The following CELSR1 variants were observed in gnomAD, a reference collection of about 807,000 sequenced individuals.
The protein encoded by CELSR1 is cadherin EGF LAG seven-pass G-type receptor 1.
A neutral mutation model predicts 249.1 loss-of-function variants in CELSR1; 110 were observed. That is an observed-to-expected ratio of 0.44 (90% CI 0.38 to 0.52). The LOEUF (loss-of-function observed/expected upper bound fraction) is 0.52. Among genes scored for constraint, CELSR1 ranks in the 20% least tolerant of loss-of-function variants. The pLI, the probability that CELSR1 is intolerant of heterozygous loss-of-function variation, is 0.00. For missense variants in CELSR1, 4,109 were observed against 4,296.4 expected (o/e 0.96, Z 1.22); for synonymous variants, 2,113 against 1,900.0 (o/e 1.11, Z -2.92).
At chr22:46,405,685 G>A (rs1435448209) in intron 9 of CELSR1, among the ~76,000 whole-genome samples, 3 of 152,128 alleles carry the variant, frequency 2.0e-5, no homozygotes, top group Admixed American at 6.6e-5. Flanking sequence ...CAAGGTGGGT[G>A]GATTTTGGGT....
Position 46,398,722 on chromosome 22 carries a change from T to C in CELSR1, c.5413-85A>G, listed in dbSNP as rs976393527. On this transcript the variant is annotated intron_variant, in intron 10 of 34. Transcript: ENST00000674500. This position sits in a 1 kb window ranked among gnomAD's most constrained non-coding sequence, Gnocchi z 7.2. ...TCAGATGGGAAGGATACACTGGAAG[T>C]CTAAACAGTCACTTCAACAAACTCC... 1.3e-5 allele frequency: 14 copies of C among 1,059,286 alleles called. No individual in the cohort carries two copies. The highest frequency in any genetic ancestry group is 2.1e-4 in the Middle Eastern group (1 of 4,736). The allele number at this position is 1,059,286 out of a possible 1,614,324, so 65.6% of individuals were successfully genotyped here.
rs2079338849 is a variant in CELSR1, at chr22:46,411,752, A to G, written c.4619T>C (p.Ile1540Thr). The G allele has an allele frequency of 6.2e-7, 1 of 1,613,984 alleles. No homozygotes were observed. Among genetic ancestry groups the G allele is most frequent in the South Asian group, 1.1e-5 (1 of 91,090 alleles). ...VQVQYYNKPN[I>T]GHLGLPHGPS... ...CCCATGGGGCAGGCCCAGGTGGCCA[A>G]TATTGGGCTGTAAGAAGAGAAAGCA... Residue 1540 changes from isoleucine (I) to threonine (T), a missense_variant, in exon 6 of 35, where the codon ATT (isoleucine) becomes ACT (threonine). Physicochemically the swap from Ile to Thr is moderately conservative, Grantham distance 89. Around this residue, in one of 7 missense-constraint regions of CELSR1, gnomAD observed 453 missense variants for 492.0 expected, o/e 0.92. Transcript: ENST00000674500. The surrounding 1 kb of genome is among the most constrained non-coding windows in gnomAD (Gnocchi z 4.2).
rs553328237 is a variant in CELSR1 at position 46,441,152 on chromosome 22, CAAAA to C, written c.4184-1745_4184-1742del. On this transcript the variant is annotated intron_variant, in intron 2 of 34. Transcript: ENST00000674500. The surrounding 1 kb of genome is among the most constrained non-coding windows in gnomAD (Gnocchi z 6.1). ...TAGGTGCCAGAGCGAGACTTCATTT[CAAAA>C]AAAAAAAAAAAAGAGAGACTGCTAT... 9.4e-6 allele frequency among the ~76,000 whole-genome samples: 1 copy of C among 106,496 alleles called. No homozygotes were observed. The highest frequency in any genetic ancestry group is 2.1e-5 in the Non-Finnish European group (1 of 48,196). 69.9% of individuals were successfully genotyped at this position (106,496 alleles called of 152,430 possible).
In CELSR1 at chr22:46,537,132, C is replaced by A. The variant is rs945680281; in HGVS notation, c.39G>T (p.Leu13=). The change falls in exon 1 of 35, where the codon CTG becomes CTT. Residue 13 remains leucine (L), a synonymous_variant. Coordinates refer to ENST00000674500, the MANE Select transcript of CELSR1 (RefSeq NM_001378328.1). The surrounding 1 kb of genome is among the most constrained non-coding windows in gnomAD (Gnocchi z 5.8). ...PPPPPVLPVL[L]LLAAAAALPA... ...GCAGGGCGGCGGCGGCGGCCAGGAG[C>A]AGCAGCACGGGCAGCACGGGCGGCG... 54 of 1,034,740 alleles carry A rather than the reference C, an allele frequency of 5.2e-5. No homozygotes were observed. The African/African-American group carries it at 9.0e-4, about 17-fold the overall frequency. 64.1% of individuals were successfully genotyped at this position (1,034,740 alleles called of 1,614,324 possible). A position where few individuals can be genotyped will look rare whatever the true frequency, so the allele number is the denominator to read the frequency against.
chr22:46,515,277 G>C (rs2080615124), intron 1 of CELSR1, among the ~76,000 whole-genome samples: 1 of 152,182 alleles, frequency 6.6e-6, no homozygotes, highest in Non-Finnish European at 1.5e-5. Context: ...GGCCCTCCTG[G>C]GGAGAGCTGC....
rs986419924 is a variant in CELSR1 at position 46,537,259 on chromosome 22, G to C, written c.-89C>G. ...ATCCACCCGGCGAGGCCGGGGAGCG[G>C]CTCCCGGGCGCCCGGCCCTCGGGGC... On this transcript the variant is annotated 5_prime_UTR_variant, in exon 1 of 35. Transcript: ENST00000674500. This position sits in a 1 kb window ranked among gnomAD's most constrained non-coding sequence, Gnocchi z 5.8. The C allele has an allele frequency of 2.0e-6, 2 of 1,003,436 alleles. No homozygotes were observed. The highest frequency in any genetic ancestry group is 2.4e-6 in the Non-Finnish European group (2 of 842,864). The allele number at this position is 1,003,436 out of a possible 1,614,324, so 62.2% of individuals were successfully genotyped here. A position where few individuals can be genotyped will look rare whatever the true frequency, so the allele number is the denominator to read the frequency against.
rs1274884545 is a variant in CELSR1 at position 46,512,227 on chromosome 22, AGAG to A, written c.3544+21397_3544+21399del. On this transcript the variant is annotated intron_variant, in intron 1 of 34. Transcript: ENST00000674500. This position sits in a 1 kb window ranked among gnomAD's most constrained non-coding sequence, Gnocchi z 5.2. ...CTAGGGGCAGGTGTCCCGGATTTGC[AGAG>A]GAGGACCAAGAAGCACTCAGGGACT... 6.6e-6 allele frequency among the ~76,000 whole-genome samples: 1 copy of A among 151,820 alleles called. No homozygotes were observed.
chr22:46,478,101 C>G (rs771510162), intron 1 of CELSR1, among the ~76,000 whole-genome samples: 2 of 152,228 alleles, frequency 1.3e-5, no homozygotes, highest in East Asian at 3.9e-4. Flanking sequence ...GGACCCCTTC[C>G]GGCCTGAGAC....
At chr22:46,415,722 C>T (rs1023041385) in intron 5 of CELSR1, among the ~76,000 whole-genome samples, 12 of 152,134 alleles carry the variant, frequency 7.9e-5, no homozygotes, top group African/African-American at 2.9e-4. Context: ...TCCAATTTTT[C>T]CCTGACATGG....
chr22:46,408,700 A>T lies in CELSR1; in HGVS notation c.5226+296T>A, dbSNP rs550971188. Among the ~76,000 whole-genome samples the T allele has an allele frequency of 6.6e-6, 1 of 152,266 alleles. No individual in the cohort carries two copies. The highest frequency in any genetic ancestry group is 1.9e-4 in the East Asian group (1 of 5,182). On this transcript the variant is annotated intron_variant, in intron 9 of 34. Transcript: ENST00000674500. This position sits in a 1 kb window ranked among gnomAD's most constrained non-coding sequence, Gnocchi z 4.6. Reference sequence around the variant, plus strand: ...CGCCTGAAGGCTCGGCACCTCCCTCAGTTCTGCAATGCCCACGCTCCAGCC... The same window carrying T: ...CGCCTGAAGGCTCGGCACCTCCCTCTGTTCTGCAATGCCCACGCTCCAGCC...
chr22:46,529,983 T>C (rs2080775898), intron 1 of CELSR1, among the ~76,000 whole-genome samples: 1 of 152,126 alleles, frequency 6.6e-6, no homozygotes, highest in Admixed American at 6.5e-5. Context: ...ACACATTGCA[T>C]GCCTGTGCCA....
rs1309266011 is a variant in CELSR1 at position 46,454,297 on chromosome 22, G to A, written c.4183+9410C>T. Among the ~76,000 whole-genome samples the A allele has an allele frequency of 6.6e-6, 1 of 152,218 alleles. No homozygotes were observed. The highest frequency in any genetic ancestry group is 1.5e-5 in the Non-Finnish European group (1 of 68,040). On this transcript the variant is annotated intron_variant, in intron 2 of 34. Transcript: ENST00000674500. The surrounding 1 kb of genome is among the most constrained non-coding windows in gnomAD (Gnocchi z 5.1). ...TCCAGAACAGTAAGAATGAATCCGT[G>A]CTGCGTTAAGCCCCTCGTGTGTGGA...
At chr22:46,465,647 T>C (rs1283899851) in intron 1 of CELSR1, among the ~76,000 whole-genome samples, 1 of 152,190 alleles carries the variant, frequency 6.6e-6, no homozygotes, top group Non-Finnish European at 1.5e-5. Flanking sequence ...ACCCGGCGCT[T>C]TCCCAGCACC....
At chr22:46,533,363 G>A (rs555155032) in intron 1 of CELSR1, among the ~76,000 whole-genome samples, 10 of 152,354 alleles carry the variant, frequency 6.6e-5, no homozygotes, top group African/African-American at 1.9e-4. Context: ...TGAGGAAGGC[G>A]CTGATCCCCG....
At position 46,468,030 on chromosome 22, in the gene CELSR1, G is replaced by A. The variant is rs114406038; in HGVS notation, c.3545-3685C>T. Among the ~76,000 whole-genome samples, 2 of 152,054 alleles carry A rather than the reference G, an allele frequency of 1.3e-5. No individual in the cohort carries two copies. The highest frequency in any genetic ancestry group is 4.8e-5 in the African/African-American group (2 of 41,390). On this transcript the variant is annotated intron_variant, in intron 1 of 34. Coordinates refer to ENST00000674500, the MANE Select transcript of CELSR1 (RefSeq NM_001378328.1). This position sits in a 1 kb window ranked among gnomAD's most constrained non-coding sequence, Gnocchi z 4.5. Reference sequence around the variant, plus strand: ...GTCAACCACACCTATGTTCATAGCAGCGCTATTCACAAGAGCTGAAACATG... The same window carrying A: ...GTCAACCACACCTATGTTCATAGCAACGCTATTCACAAGAGCTGAAACATG...
In CELSR1 at chr22:46,454,210, G is replaced by A. The variant is rs906037880; in HGVS notation, c.4183+9497C>T. Among the ~76,000 whole-genome samples, 1 of 152,122 alleles carries A rather than the reference G, an allele frequency of 6.6e-6. No homozygotes were observed. The highest frequency in any genetic ancestry group is 1.5e-5 in the Non-Finnish European group (1 of 68,014). On this transcript the variant is annotated intron_variant, in intron 2 of 34. Transcript: ENST00000674500. The surrounding 1 kb of genome is among the most constrained non-coding windows in gnomAD (Gnocchi z 5.1). ...AGCAGCTGAGGAAGGCAGAGCAGGAGGCCCTCCCCAGGGCCTCCCGGAGCA... is the reference window on the plus strand; with the variant it reads ...AGCAGCTGAGGAAGGCAGAGCAGGAAGCCCTCCCCAGGGCCTCCCGGAGCA...
rs1350828300 is a variant in CELSR1, at chr22:46,402,438, A to G, written c.5227-2536T>C. ...CTCCATGTTGGTCAGGCTGGTCTCG[A>G]ACTCCTGACCTCAGGTGATCTGCCT... On this transcript the variant is annotated intron_variant, in intron 9 of 34. Coordinates refer to ENST00000674500, the MANE Select transcript of CELSR1 (RefSeq NM_001378328.1). The surrounding 1 kb of genome is among the most constrained non-coding windows in gnomAD (Gnocchi z 5.0). 6.6e-6 allele frequency among the ~76,000 whole-genome samples: 1 copy of G among 152,102 alleles called. No individual in the cohort carries two copies. The highest frequency in any genetic ancestry group is 2.4e-5 in the African/African-American group (1 of 41,386).
At chr22:46,392,908 T>TC (rs1448023827) in intron 14 of CELSR1, among the ~76,000 whole-genome samples, 3 of 152,130 alleles carry the variant, frequency 2.0e-5, no homozygotes, top group African/African-American at 7.2e-5. Flanking sequence ...GCCAATGCAC[T>TC]CCCCATGTTC....
chr22:46,398,466 G>C lies in CELSR1; in HGVS notation c.5526+58C>G. The stretch of plus-strand genomic sequence containing the variant: ...AACGGAACCACCTATGGTGCTGCCA[G>C]CCTCGGAGCTGCCTGTGAGGGGCAG... On this transcript the variant is annotated intron_variant, in intron 11 of 34. Transcript: ENST00000674500. This position sits in a 1 kb window ranked among gnomAD's most constrained non-coding sequence, Gnocchi z 7.2. 1 of 1,278,758 alleles carries C rather than the reference G, an allele frequency of 7.8e-7. No individual in the cohort carries two copies. The highest frequency in any genetic ancestry group is 1.1e-6 in the Non-Finnish European group (1 of 909,040). The allele number at this position is 1,278,758 out of a possible 1,614,324, so 79.2% of individuals were successfully genotyped here.
Sources: allele counts gnomAD v4.1 joint callset (sites outside exome capture counted in the v4.1 genomes callset), GRCh38; gene constraint gnomAD v4.1.1; regional missense constraint gnomAD v4.1.1; non-coding constraint Gnocchi (gnomAD v3.1); transcripts MANE v1.5; gene names NCBI Gene and HGNC (gene_info 2026-07-23, HGNC 2026-07-21).